The following PLD5 variants were observed in gnomAD, a reference collection of about 807,000 sequenced individuals.
The protein encoded by PLD5 is phospholipase D family member 5.
Under a neutral mutation model 61.1 loss-of-function variants are expected in PLD5, and 36 were observed. The observed-to-expected ratio is 0.59, with a 90% CI of 0.45 to 0.78. The LOEUF (loss-of-function observed/expected upper bound fraction) is 0.78, where lower values mean the gene tolerates loss of function less well. Ranked by LOEUF, PLD5 falls within the 30% of genes least tolerant of loss-of-function variation. The pLI is 0.00. For missense variants in PLD5, 515 were observed against 644.4 expected, an observed-to-expected ratio of 0.80 and a Z score of 2.17; for synonymous variants, 243 against 242.8, an observed-to-expected ratio of 1.00 and a Z score of -0.01.
At chr1:242,378,812 A>G (rs1439527372) in intron 1 of PLD5, among the ~76,000 whole-genome samples, 2 of 152,042 alleles carry the variant, frequency 1.3e-5, no homozygotes, top group African/African-American at 4.8e-5. Context: ...CTGCACTCCA[A>G]TCTGGGTGAC....
chr1:242,197,107 G>A (rs1393774551), intron 5 of PLD5, among the ~76,000 whole-genome samples: 4 of 152,010 alleles, frequency 2.6e-5, no homozygotes, highest in Middle Eastern at 3.2e-3. Context: ...CAGAGGATAC[G>A]GGACAACGAG....
At chr1:242,469,876 C>G (rs1458939135) in intron 1 of PLD5, among the ~76,000 whole-genome samples, 1 of 152,132 alleles carries the variant, frequency 6.6e-6, no homozygotes, top group Non-Finnish European at 1.5e-5. Context: ...GGACTCATAA[C>G]GTCACAGTTG....
intron 1 of PLD5, among the ~76,000 whole-genome samples, chr1:242,502,612 A>G (rs1668589225): frequency 6.6e-6 from 1 of 152,172 alleles, no homozygotes; most frequent in South Asian, 2.1e-4. Context: ...AATCAATTAC[A>G]TAATATTTAC....
chr1:242,376,476 T>G (rs1661964722), intron 1 of PLD5, among the ~76,000 whole-genome samples: 1 of 152,218 alleles, frequency 6.6e-6, no homozygotes, highest in Non-Finnish European at 1.5e-5. Flanking sequence ...ATGTAGTGAA[T>G]TCTAACAATT....
chr1:242,438,080 G>A (rs564267682), intron 1 of PLD5, among the ~76,000 whole-genome samples: 8 of 152,128 alleles, frequency 5.3e-5, no homozygotes, highest in African/African-American at 1.9e-4. Context: ...TAGTGAAGAG[G>A]GTTGCAAGAG....
intron 1 of PLD5, among the ~76,000 whole-genome samples, chr1:242,380,633 T>G (rs1662222678): frequency 6.6e-6 from 1 of 151,816 alleles, no homozygotes; most frequent in Admixed American, 6.6e-5. Context: ...TGGAAGAAAA[T>G]TTTTGTAATC....
chr1:242,368,719 G>C (rs2149244196), intron 1 of PLD5, among the ~76,000 whole-genome samples: 1 of 152,266 alleles, frequency 6.6e-6, no homozygotes, highest in East Asian at 1.9e-4. Flanking sequence ...GGAAGGTGGA[G>C]CCCCATGGTG....
chr1:242,270,711 G>A (rs953409784), intron 3 of PLD5, among the ~76,000 whole-genome samples: 1 of 152,136 alleles, frequency 6.6e-6, no homozygotes, highest in African/African-American at 2.4e-5. Context: ...GTGTTCCAGA[G>A]TTGCCTGTTC....
chr1:242,255,242 T>C (rs1035386923), intron 4 of PLD5, among the ~76,000 whole-genome samples: 1 of 152,082 alleles, frequency 6.6e-6, no homozygotes, highest in African/African-American at 2.4e-5. Context: ...AAATGAAAGG[T>C]AGAATAATAT....
At chr1:242,369,600 T>C (rs1224001324) in intron 1 of PLD5, among the ~76,000 whole-genome samples, 2 of 152,214 alleles carry the variant, frequency 1.3e-5, no homozygotes. Context: ...AGTGGTCATC[T>C]ATCAGGAAGA....
At chr1:242,165,890 A>T (rs906999960) in intron 5 of PLD5, among the ~76,000 whole-genome samples, 5 of 152,102 alleles carry the variant, frequency 3.3e-5, no homozygotes, top group African/African-American at 1.2e-4. Flanking sequence ...AGTGACACAC[A>T]CCCTATTCCC....
At chr1:242,281,275 G>C (rs552464789) in intron 3 of PLD5, among the ~76,000 whole-genome samples, 1 of 152,128 alleles carries the variant, frequency 6.6e-6, no homozygotes, top group African/African-American at 2.4e-5. Context: ...TGCATTGATC[G>C]CATCAGTTAG....
chr1:242,187,824 T>C (rs114203807), intron 5 of PLD5, among the ~76,000 whole-genome samples: 271 of 152,252 alleles, frequency 1.8e-3, no homozygotes, highest in African/African-American at 6.3e-3. Context: ...ACGTAAGAGA[T>C]GAAATATGAA....
rs1162808490 is a variant in PLD5, at chr1:242,084,750, G to GTTTTTT, written c.*5098_*5103dup. 2.0e-4 allele frequency: 15 copies of GTTTTTT among 73,618 alleles called. No individual in the cohort carries two copies. Among genetic ancestry groups the GTTTTTT allele is most frequent in the African/African-American group, 8.3e-4 (14 of 16,858 alleles). The allele number at this position is 73,618 out of a possible 1,614,324, so 4.6% of individuals were successfully genotyped here. A position where few individuals can be genotyped will look rare whatever the true frequency, so the allele number is the denominator to read the frequency against. ...CTCAGAATGAACATTTATTGGAAAG[G>GTTTTTT]TTTTTTTTTTTTTTTTTTTTTTTTT... is the stretch of plus-strand genomic sequence containing the variant. On this transcript the variant is annotated 3_prime_UTR_variant, in exon 10 of 10. Transcript: ENST00000536534.
intron 5 of PLD5, among the ~76,000 whole-genome samples, chr1:242,218,595 T>C (rs1670367573): frequency 6.6e-6 from 1 of 152,206 alleles, no homozygotes; most frequent in African/African-American, 2.4e-5. Flanking sequence ...AGTAAAAAGT[T>C]TCTTGATTAA....
At chr1:242,318,450 C>T (rs1285404206) in intron 2 of PLD5, among the ~76,000 whole-genome samples, 3 of 152,162 alleles carry the variant, frequency 2.0e-5, no homozygotes, top group African/African-American at 7.2e-5. Context: ...GACAAGTGTG[C>T]TGACGGGAGA....
rs1004314085 is a variant in PLD5 at position 242,246,167 on chromosome 1, A to G, written c.607+19170T>C. 2.0e-5 allele frequency among the ~76,000 whole-genome samples: 3 copies of G among 152,136 alleles called. No homozygotes were observed. The South Asian group carries it at 6.2e-4, about 32-fold the overall frequency. On this transcript the variant is annotated intron_variant, in intron 4 of 9. Coordinates refer to ENST00000536534, the MANE Select transcript of PLD5 (RefSeq NM_001372062.1). ...AGGATCACTTGGGGCCAGGAGTTCA[A>G]GACCAGCCTGGCAACACAGTGAGAC...
intron 2 of PLD5, among the ~76,000 whole-genome samples, chr1:242,307,441 C>T (rs905390025): frequency 6.6e-5 from 10 of 152,164 alleles, no homozygotes; most frequent in South Asian, 6.2e-4. Flanking sequence ...ACTTTGCAGA[C>T]ATGATGACAC....
At chr1:242,512,254 A>G (rs1668944659) in intron 1 of PLD5, among the ~76,000 whole-genome samples, 1 of 137,492 alleles carries the variant, frequency 7.3e-6, no homozygotes, top group African/African-American at 2.8e-5. Context: ...TACTAAAAAT[A>G]CAAAAAAAAA....
Sources: gnomAD v4.1 joint callset for allele counts (sites outside exome capture counted in the v4.1 genomes callset) on GRCh38, gnomAD v4.1.1 for gene constraint, MANE v1.5 for transcripts, NCBI Gene and HGNC (gene_info 2026-07-23, HGNC 2026-07-21) for gene names.